Variants in GRM7 observed in about 807,000 individuals in gnomAD.
The protein encoded by GRM7 is metabotropic glutamate receptor 7.
In GRM7, 35 loss-of-function variants were observed where a neutral mutation model predicts 84.5. That is an observed-to-expected ratio of 0.41 (90% CI 0.32 to 0.55). The LOEUF is 0.55. Among genes scored for constraint, GRM7 ranks in the 20% least tolerant of loss-of-function variants. GRM7 has a pLI of 0.19. For synonymous variants in GRM7, 487 were observed against 455.1 expected, an observed-to-expected ratio of 1.07 and a Z score of -0.89; for missense variants, 1,003 against 1,194.6, an observed-to-expected ratio of 0.84 and a Z score of 2.36.
At chr3:7,671,520 T>C (rs1225387600) in intron 8 of GRM7, among the ~76,000 whole-genome samples, 3 of 151,624 alleles carry the variant, frequency 2.0e-5, no homozygotes, top group Non-Finnish European at 4.4e-5. Flanking sequence ...TGCAGTTGTG[T>C]GTAGCCTTAA....
At chr3:7,350,269 T>C (rs1693079590) in intron 4 of GRM7, among the ~76,000 whole-genome samples, 1 of 152,096 alleles carries the variant, frequency 6.6e-6, no homozygotes, top group Admixed American at 6.6e-5. Context: ...CCCACCCAAA[T>C]TTCATGATCA....
At chr3:7,269,664 A>T (rs914678073) in intron 2 of GRM7, among the ~76,000 whole-genome samples, 4 of 152,208 alleles carry the variant, frequency 2.6e-5, no homozygotes, top group African/African-American at 9.6e-5. Context: ...ATGCATGAAG[A>T]TTCTGCTCCT....
intron 2 of GRM7, among the ~76,000 whole-genome samples, chr3:7,170,124 G>C (rs1284114732): frequency 6.6e-6 from 1 of 152,182 alleles, no homozygotes; most frequent in Non-Finnish European, 1.5e-5. Context: ...CACTGGCATA[G>C]CAACCTGTGA....
chr3:7,158,442 C>T (rs1392064966), intron 2 of GRM7, among the ~76,000 whole-genome samples: 1 of 152,112 alleles, frequency 6.6e-6, no homozygotes, highest in Non-Finnish European at 1.5e-5. Flanking sequence ...AGCTCAGTTG[C>T]CTGGTAAACC....
intron 1 of GRM7, among the ~76,000 whole-genome samples, chr3:7,044,303 C>A (rs1696728520): frequency 6.6e-6 from 1 of 152,012 alleles, no homozygotes; most frequent in African/African-American, 2.4e-5. Context: ...TAAGTCTATA[C>A]CAAAAGCTTT....
Position 6,987,797 on chromosome 3 carries a change from A to G in GRM7, c.519+125890A>G, listed in dbSNP as rs978748338. Among the ~76,000 whole-genome samples, 5 of 152,284 alleles carry G rather than the reference A, an allele frequency of 3.3e-5. 1 individual carries two copies. Among genetic ancestry groups the G allele is most frequent in the African/African-American group, 1.2e-4 (5 of 41,548 alleles). ...ATTGAGGACCAAGATTCCTGGAAAC[A>G]GAGAGACCAGGAAGGTGGTTCTGGA... On this transcript the variant is annotated intron_variant, in intron 1 of 9. Coordinates refer to ENST00000357716, the MANE Select transcript of GRM7 (RefSeq NM_000844.4).
intron 1 of GRM7, among the ~76,000 whole-genome samples, chr3:7,104,789 C>G (rs1699238771): frequency 6.6e-6 from 1 of 151,698 alleles, no homozygotes; most frequent in African/African-American, 2.4e-5. Flanking sequence ...ACAGAGAAAA[C>G]TTCTCAGGCT....
At chr3:7,083,595 A>G (rs1171165525) in intron 1 of GRM7, among the ~76,000 whole-genome samples, 3 of 152,128 alleles carry the variant, frequency 2.0e-5, no homozygotes, top group Non-Finnish European at 4.4e-5. Flanking sequence ...GTAGGCCTGC[A>G]TTCATTTATG....
intron 2 of GRM7, among the ~76,000 whole-genome samples, chr3:7,157,267 A>C (rs1574971495): frequency 6.6e-6 from 1 of 152,140 alleles, no homozygotes; most frequent in Admixed American, 6.6e-5. Context: ...ATTCCATAAG[A>C]TGGTTATTGT....
At chr3:7,147,206 C>G (rs1259269877) in intron 2 of GRM7, among the ~76,000 whole-genome samples, 1 of 152,184 alleles carries the variant, frequency 6.6e-6, no homozygotes, top group Non-Finnish European at 1.5e-5. Flanking sequence ...AGAGAGTTCT[C>G]TTCAGCAGCC....
chr3:7,452,245 T>G (rs967001991), intron 5 of GRM7, among the ~76,000 whole-genome samples: 2 of 144,150 alleles, frequency 1.4e-5, no homozygotes, highest in Non-Finnish European at 3.0e-5. Context: ...ATTTAGTTTG[T>G]TTTCTGTCAT....
chr3:7,242,150 C>T (rs979952256), intron 2 of GRM7, among the ~76,000 whole-genome samples: 4 of 152,092 alleles, frequency 2.6e-5, no homozygotes, highest in African/African-American at 9.7e-5. Context: ...GGCATCAGGA[C>T]AAGATTAAAC....
chr3:7,635,777 G>C (rs1320246733), intron 8 of GRM7, among the ~76,000 whole-genome samples: 1 of 152,096 alleles, frequency 6.6e-6, no homozygotes, highest in African/African-American at 2.4e-5. Context: ...GGACTCAAGC[G>C]ATCTTCCTGC....
intron 5 of GRM7, among the ~76,000 whole-genome samples, chr3:7,443,613 G>T (rs186691162): frequency 5.1e-4 from 78 of 152,080 alleles, no homozygotes; most frequent in Non-Finnish European, 8.5e-4. Context: ...TGCATTTCCT[G>T]TAAATTAATA....
In GRM7 at chr3:7,681,820, A is replaced by T. The variant is rs977050950; in HGVS notation, c.2698+1525A>T. 2.0e-5 allele frequency: 3 copies of T among 152,220 alleles called. No individual in the cohort carries two copies. In the South Asian group the frequency reaches 6.2e-4, roughly 31 times the overall value. The allele number at this position is 152,220 out of a possible 1,614,324, so 9.4% of individuals were successfully genotyped here. A position where few individuals can be genotyped will look rare whatever the true frequency, so the allele number is the denominator to read the frequency against. Reference sequence around the variant, plus strand: ...CTGAGCTTTTCTAAAACTCAACATAATTATGTATAAAAGAGATAATAACTA... The same window carrying T: ...CTGAGCTTTTCTAAAACTCAACATATTTATGTATAAAAGAGATAATAACTA... On this transcript the variant is annotated intron_variant, in intron 9 of 9. Coordinates refer to ENST00000357716, the MANE Select transcript of GRM7 (RefSeq NM_000844.4).
At chr3:7,161,568 C>T (rs936142631) in intron 2 of GRM7, among the ~76,000 whole-genome samples, 11 of 152,228 alleles carry the variant, frequency 7.2e-5, no homozygotes, top group Middle Eastern at 3.4e-3. Flanking sequence ...TGCAAATGCT[C>T]AGCATGGTAC....
intron 1 of GRM7, among the ~76,000 whole-genome samples, chr3:6,923,356 C>T (rs1045287835): frequency 2.0e-5 from 3 of 152,086 alleles, no homozygotes; most frequent in African/African-American, 7.2e-5. Context: ...GTTTTCTCAC[C>T]TGTAACATGA....
intron 4 of GRM7, among the ~76,000 whole-genome samples, chr3:7,314,630 A>G (rs980876932): frequency 1.3e-5 from 2 of 152,098 alleles, no homozygotes; most frequent in Non-Finnish European, 2.9e-5. Context: ...CTCTTTATTG[A>G]TACTTTTTAT....
chr3:7,405,634 T>A (rs1325808979), intron 4 of GRM7, among the ~76,000 whole-genome samples: 1 of 152,186 alleles, frequency 6.6e-6, no homozygotes, highest in African/African-American at 2.4e-5. Flanking sequence ...AATTAACTTA[T>A]CTTGGAGAAC....
Sources: allele counts gnomAD v4.1 joint callset (sites outside exome capture counted in the v4.1 genomes callset), GRCh38; gene constraint gnomAD v4.1.1; transcripts MANE v1.5; gene names NCBI Gene and HGNC (gene_info 2026-07-23, HGNC 2026-07-21).